AUTS2: variants seen among roughly 807,000 people sequenced by gnomAD.
AUTS2 encodes activator of transcription and developmental regulator AUTS2.
Under a neutral mutation model 112.4 loss-of-function variants are expected in AUTS2, and 17 were observed. That is an observed-to-expected ratio of 0.15 (90% CI 0.10 to 0.23). AUTS2 has a LOEUF of 0.23. Among genes scored for constraint, AUTS2 ranks in the 10% least tolerant of loss-of-function variants. The pLI is 1.00. For synonymous variants in AUTS2, 751 were observed against 702.7 expected (o/e 1.07, Z -1.09); for missense variants, 1,510 against 1,701.6 (o/e 0.89, Z 1.98).
At chr7:70,517,580 C>T (rs985396887) in intron 5 of AUTS2, among the ~76,000 whole-genome samples, 1 of 123,646 alleles carries the variant, frequency 8.1e-6, no homozygotes, top group Non-Finnish European at 1.8e-5. Context: ...ATACAAATTG[C>T]ATATATAATA....
In AUTS2 at chr7:70,639,580, G is replaced by A. The variant is rs553471290; in HGVS notation, c.691-58989G>A. On this transcript the variant is annotated intron_variant, in intron 5 of 18. Coordinates refer to ENST00000342771, the MANE Select transcript of AUTS2 (RefSeq NM_015570.4). ...TGCAGTGAGCTATGATTACACCACC[G>A]CACTCCAGCCTGGGTGATAGAGCGA... 5.9e-4 allele frequency among the ~76,000 whole-genome samples: 75 copies of A among 127,756 alleles called. 1 individual carries two copies. Among genetic ancestry groups the A allele is most frequent in the Middle Eastern group, 5.2e-3 (1 of 192 alleles). The allele number at this position is 127,756 out of a possible 152,430, so 83.8% of individuals were successfully genotyped here.
intron 5 of AUTS2, among the ~76,000 whole-genome samples, chr7:70,498,485 T>C (rs1351683660): frequency 2.6e-5 from 4 of 152,164 alleles, no homozygotes; most frequent in African/African-American, 4.8e-5. Flanking sequence ...ATGCAGATCA[T>C]TGAAAACATG....
intron 4 of AUTS2, among the ~76,000 whole-genome samples, chr7:70,385,478 T>C (rs1200759474): frequency 6.6e-6 from 1 of 152,226 alleles, no homozygotes; most frequent in Non-Finnish European, 1.5e-5. Flanking sequence ...CACAACCCAA[T>C]ATGCATGCTA....
At chr7:69,658,867 G>A (rs534837740) in intron 1 of AUTS2, among the ~76,000 whole-genome samples, 3 of 152,326 alleles carry the variant, frequency 2.0e-5, no homozygotes, top group African/African-American at 7.2e-5. Context: ...ATTACCAAAT[G>A]TAAACAATGT....
In AUTS2 at chr7:70,443,191, T is replaced by C. The variant is rs371951133; in HGVS notation, c.690+7410T>C. 1.5e-4 allele frequency among the ~76,000 whole-genome samples: 23 copies of C among 152,322 alleles called. No individual in the cohort carries two copies. The East Asian group carries it at 2.3e-3, about 15-fold the overall frequency. On this transcript the variant is annotated intron_variant, in intron 5 of 18. Transcript: ENST00000342771. ...CAGAATAAATACTTGTTATTGGAAA[T>C]ATGTCAGGCATTTTCAGCTAAGGTT...
chr7:70,272,724 T>G lies in AUTS2; in HGVS notation c.660+138153T>G, dbSNP rs533880138. On this transcript the variant is annotated intron_variant, in intron 4 of 18. Transcript: ENST00000342771. ...CATCTATAGTACTTCTGGCAAATGG[T>G]TGCTGTTTTTTTGTTTGTTTGTTTG... is the stretch of plus-strand genomic sequence containing the variant. Among the ~76,000 whole-genome samples, 5 of 146,752 alleles carry G rather than the reference T, an allele frequency of 3.4e-5. No individual in the cohort carries two copies. The East Asian group carries it at 1.0e-3, about 30-fold the overall frequency.
chr7:70,160,306 A>G (rs1415824338), intron 4 of AUTS2, among the ~76,000 whole-genome samples: 1 of 152,194 alleles, frequency 6.6e-6, no homozygotes, highest in Non-Finnish European at 1.5e-5. Context: ...AAAGACAGCT[A>G]GGATTTTGAT....
At chr7:70,483,556 C>T (rs537680103) in intron 5 of AUTS2, among the ~76,000 whole-genome samples, 16 of 152,164 alleles carry the variant, frequency 1.1e-4, no homozygotes, top group Admixed American at 3.9e-4. Context: ...CTTAGCCCAG[C>T]GGCTCTCTGG....
intron 1 of AUTS2, among the ~76,000 whole-genome samples, chr7:69,728,399 A>T (rs1786621063): frequency 6.6e-6 from 1 of 152,206 alleles, no homozygotes; most frequent in Admixed American, 6.5e-5. Flanking sequence ...TTTCCCCTGG[A>T]TTAGGGAAAT....
At chr7:69,951,992 T>C (rs1184623672) in intron 2 of AUTS2, among the ~76,000 whole-genome samples, 1 of 152,168 alleles carries the variant, frequency 6.6e-6, no homozygotes, top group Non-Finnish European at 1.5e-5. Flanking sequence ...GTTTTGTGAT[T>C]TTTACTCGAT....
At chr7:69,732,093 C>G (rs1343958973) in intron 1 of AUTS2, among the ~76,000 whole-genome samples, 1 of 151,912 alleles carries the variant, frequency 6.6e-6, no homozygotes, top group Non-Finnish European at 1.5e-5. Flanking sequence ...AGAGCCAAGT[C>G]TTAACTTTAG....
At chr7:70,546,453 C>A (rs888158265) in intron 5 of AUTS2, among the ~76,000 whole-genome samples, 2 of 147,320 alleles carry the variant, frequency 1.4e-5, no homozygotes. Flanking sequence ...CAAAACAAAT[C>A]AAAAAATTTA....
At chr7:70,460,546 T>A (rs148238417) in intron 5 of AUTS2, among the ~76,000 whole-genome samples, 1,525 of 152,002 alleles carry the variant, frequency 0.01, 9 homozygotes, top group Non-Finnish European at 0.014. Context: ...AGATGGGGTT[T>A]CACCATGTTG....
At chr7:70,532,036 G>A (rs867993012) in intron 5 of AUTS2, among the ~76,000 whole-genome samples, 1 of 152,190 alleles carries the variant, frequency 6.6e-6, no homozygotes, top group African/African-American at 2.4e-5. Flanking sequence ...TTGGTCTGGG[G>A]ATGGTGCTGG....
At chr7:70,731,866 C>A (rs1787423055) in intron 6 of AUTS2, among the ~76,000 whole-genome samples, 1 of 151,988 alleles carries the variant, frequency 6.6e-6, no homozygotes, top group Non-Finnish European at 1.5e-5. Flanking sequence ...AGATATATAT[C>A]ATAACCTTTT....
At chr7:70,722,946 A>G (rs893858487) in intron 6 of AUTS2, among the ~76,000 whole-genome samples, 1 of 152,190 alleles carries the variant, frequency 6.6e-6, no homozygotes, top group Non-Finnish European at 1.5e-5. Flanking sequence ...GCTTTTACAA[A>G]CTAACTTCAC....
At chr7:70,224,389 CAATACAATACAATAT>C (rs1261438754) in intron 4 of AUTS2, among the ~76,000 whole-genome samples, 104 of 125,786 alleles carry the variant, frequency 8.3e-4, no homozygotes, top group Admixed American at 1.8e-3. Context: ...CAATACAATA[CAATACAATACAATAT>C]AATACCATAC....
At chr7:70,587,138 G>C (rs1326365899) in intron 5 of AUTS2, among the ~76,000 whole-genome samples, 3 of 152,086 alleles carry the variant, frequency 2.0e-5, no homozygotes, top group African/African-American at 7.2e-5. Flanking sequence ...GTGCAGTGAT[G>C]CCATCACGGC....
At chr7:70,458,351 G>C (rs1381935159) in intron 5 of AUTS2, among the ~76,000 whole-genome samples, 1 of 152,122 alleles carries the variant, frequency 6.6e-6, no homozygotes, top group Non-Finnish European at 1.5e-5. Context: ...AGAGCATTGC[G>C]CCTGGCTCCC....
Sources: gnomAD v4.1 joint callset for allele counts (sites outside exome capture counted in the v4.1 genomes callset) on GRCh38, gnomAD v4.1.1 for gene constraint, MANE v1.5 for transcripts, NCBI Gene and HGNC (gene_info 2026-07-23, HGNC 2026-07-21) for gene names.